The following NDST3 variants were observed in gnomAD, a reference collection of about 807,000 sequenced individuals.
NDST3 encodes the protein N-deacetylase and N-sulfotransferase 3.
Under a neutral mutation model 96.1 loss-of-function variants are expected in NDST3, and 58 were observed. The ratio of observed to expected loss-of-function variants is 0.60; its 90% CI spans 0.49 to 0.75. The LOEUF (loss-of-function observed/expected upper bound fraction) is 0.75. Among genes scored for constraint, NDST3 ranks in the 30% least tolerant of loss-of-function variants. The pLI is 0.00. For missense variants in NDST3, 788 were observed against 1,034.2 expected (o/e 0.76, Z 3.27); for synonymous variants, 333 against 359.7 (o/e 0.93, Z 0.84).
rs138286668 is a variant in NDST3, at chr4:118,163,972, T to C, written c.1539+20288T>C. Among the ~76,000 whole-genome samples the C allele has an allele frequency of 6.6e-3, 1,010 of 152,234 alleles. 8 individuals are homozygous for C. Among genetic ancestry groups the C allele is most frequent in the African/African-American group, 0.023 (968 of 41,536 alleles). On this transcript the variant is annotated intron_variant, in intron 6 of 13. Coordinates refer to ENST00000296499, the MANE Select transcript of NDST3 (RefSeq NM_004784.3). ...CAAACACCTAAAGACAGAACTACCA[T>C]TTGATCCAGCAATCCCATTACTAGA...
intron 4 of NDST3, among the ~76,000 whole-genome samples, chr4:118,117,038 C>T (rs990742018): frequency 1.3e-5 from 2 of 152,134 alleles, no homozygotes; most frequent in Admixed American, 6.6e-5. Flanking sequence ...TTCTTAGAAG[C>T]GTCATTCCTA....
At chr4:118,219,679 G>T (rs1030259376) in intron 6 of NDST3, among the ~76,000 whole-genome samples, 17 of 152,058 alleles carry the variant, frequency 1.1e-4, no homozygotes, top group African/African-American at 3.9e-4. Context: ...AGCCAAAATT[G>T]ACAAATGGGA....
At chr4:118,075,616 T>C (rs1727461036) in intron 2 of NDST3, among the ~76,000 whole-genome samples, 2 of 152,204 alleles carry the variant, frequency 1.3e-5, no homozygotes, top group Admixed American at 6.5e-5. Flanking sequence ...GGTATCTCAT[T>C]GTGGTTTTGA....
At chr4:118,060,340 T>C (rs1008812048) in intron 2 of NDST3, among the ~76,000 whole-genome samples, 2 of 151,808 alleles carry the variant, frequency 1.3e-5, no homozygotes, top group African/African-American at 4.8e-5. Context: ...TTGTTTTGCC[T>C]TTGTTTTGCT....
At chr4:118,160,601 T>C (rs193151935) in intron 6 of NDST3, among the ~76,000 whole-genome samples, 2 of 152,246 alleles carry the variant, frequency 1.3e-5, no homozygotes, top group East Asian at 3.9e-4. Context: ...AAAATGTAAA[T>C]CGCTTCATTT....
chr4:118,149,969 T>C (rs1348229584), intron 6 of NDST3, among the ~76,000 whole-genome samples: 2 of 150,128 alleles, frequency 1.3e-5, no homozygotes, highest in Non-Finnish European at 3.0e-5. Flanking sequence ...GCATGAAGGG[T>C]TGTTGAATTT....
chr4:118,080,419 G>A (rs952263752), intron 2 of NDST3, among the ~76,000 whole-genome samples: 1 of 152,152 alleles, frequency 6.6e-6, no homozygotes, highest in African/African-American at 2.4e-5. Flanking sequence ...GTAGAGAAGA[G>A]AGTAAAAGAG....
chr4:118,186,206 G>A (rs1241746421), intron 6 of NDST3, among the ~76,000 whole-genome samples: 3 of 152,106 alleles, frequency 2.0e-5, no homozygotes, highest in African/African-American at 7.2e-5. Flanking sequence ...CTCCATTTTA[G>A]TTTGGTCTGG....
At chr4:118,216,055 T>C (rs1283659683) in intron 6 of NDST3, among the ~76,000 whole-genome samples, 1 of 152,192 alleles carries the variant, frequency 6.6e-6, no homozygotes, top group African/African-American at 2.4e-5. Context: ...GCTCCTATTG[T>C]GTGTTTGTTC....
At chr4:118,066,179 ATTATATATC>A (rs1464327410) in intron 2 of NDST3, among the ~76,000 whole-genome samples, 1 of 23,042 alleles carries the variant, frequency 4.3e-5, no homozygotes, top group East Asian at 1.1e-3. Flanking sequence ...TATTTTATAT[ATTATATATC>A]TTATATATTA....
rs7670397 is a variant in NDST3 at position 118,213,854 on chromosome 4, T to A, written c.1540-10637T>A. 5.8e-3 allele frequency among the ~76,000 whole-genome samples: 884 copies of A among 152,088 alleles called. 8 individuals carry two copies. The highest frequency in any genetic ancestry group is 0.02 in the African/African-American group (836 of 41,530). ...TGTATAATTTTTAAAAGCAAAAAGA[T>A]CACTTATGATATAGACTTCAATTCA... On this transcript the variant is annotated intron_variant, in intron 6 of 13. Coordinates refer to ENST00000296499, the MANE Select transcript of NDST3 (RefSeq NM_004784.3).
chr4:118,202,696 C>G (rs1201530849), intron 6 of NDST3, among the ~76,000 whole-genome samples: 2 of 152,150 alleles, frequency 1.3e-5, no homozygotes, highest in African/African-American at 4.8e-5. Flanking sequence ...AGGTGTTTAT[C>G]TATTCTAGGA....
chr4:118,039,980 G>A (rs1048594935), intron 1 of NDST3, among the ~76,000 whole-genome samples: 1 of 152,200 alleles, frequency 6.6e-6, no homozygotes, highest in Admixed American at 6.5e-5. Flanking sequence ...CTGGAAAGAA[G>A]TAACAGAGTT....
At chr4:118,071,534 T>TA (rs1463156791) in intron 2 of NDST3, among the ~76,000 whole-genome samples, 3 of 152,158 alleles carry the variant, frequency 2.0e-5, no homozygotes, top group African/African-American at 2.4e-5. Flanking sequence ...CTTCCTGCAT[T>TA]AGTTTGCCTA....
chr4:118,217,160 A>T (rs966472359), intron 6 of NDST3, among the ~76,000 whole-genome samples: 3 of 152,122 alleles, frequency 2.0e-5, no homozygotes, highest in Admixed American at 2.0e-4. Flanking sequence ...AAAGTGAGGC[A>T]GCGTATTTAC....
rs935390624 is a variant in NDST3 at position 118,053,275 on chromosome 4, A to C, written c.-155-481A>C. Among the ~76,000 whole-genome samples the C allele has an allele frequency of 9.9e-5, 15 of 152,014 alleles. 1 individual carries two copies. Among genetic ancestry groups the C allele is most frequent in the Admixed American group, 7.2e-4 (11 of 15,218 alleles). On this transcript the variant is annotated intron_variant, in intron 1 of 13. Coordinates refer to ENST00000296499, the MANE Select transcript of NDST3 (RefSeq NM_004784.3). ...TAAGGTTGTTTCTCTAATGAATGTAAAATGTGTATACAATGATAAAATTGA... is the reference window on the plus strand; with the variant it reads ...TAAGGTTGTTTCTCTAATGAATGTACAATGTGTATACAATGATAAAATTGA...
At chr4:118,052,998 G>A (rs966065844) in intron 1 of NDST3, among the ~76,000 whole-genome samples, 2 of 151,888 alleles carry the variant, frequency 1.3e-5, no homozygotes, top group Admixed American at 1.3e-4. Flanking sequence ...TCAAAAAGCG[G>A]AAATAGAATG....
chr4:118,253,460 ATTTTCTGG>A, intron 12 of NDST3, 31 bp from the exon 13 acceptor site: 2 of 1,411,962 alleles, frequency 1.4e-6, no homozygotes. Flanking sequence ...TTGAAAAATG[ATTTTCTGG>A]TTTTTCTGTG....
chr4:118,185,888 A>G (rs1736920747), intron 6 of NDST3, among the ~76,000 whole-genome samples: 8 of 152,220 alleles, frequency 5.3e-5, no homozygotes, highest in Admixed American at 5.2e-4. Context: ...GTAAGGAGGC[A>G]TATGCTTTAT....
Sources: gnomAD v4.1 joint callset for allele counts (sites outside exome capture counted in the v4.1 genomes callset) on GRCh38, gnomAD v4.1.1 for gene constraint, MANE v1.5 for transcripts, NCBI Gene and HGNC (gene_info 2026-07-23, HGNC 2026-07-21) for gene names.